FAAH2: variants seen among roughly 807,000 people sequenced by gnomAD.
FAAH2 encodes the protein fatty-acid amide hydrolase 2.
FAAH2 carries 60 observed loss-of-function variants against 36.9 expected under a neutral mutation model. The observed-to-expected ratio is 1.63, with a 90% CI of 1.32 to 2.02. The LOEUF is 2.02. Ranked by LOEUF, FAAH2 falls within the 30% of genes most tolerant of loss-of-function variation. The pLI is 0.00. For missense variants in FAAH2, 689 were observed against 397.5 expected, an observed-to-expected ratio of 1.73 and a Z score of -6.23; for synonymous variants, 214 against 143.8, an observed-to-expected ratio of 1.49 and a Z score of -3.49.
the FAAH2 span, among the ~76,000 whole-genome samples, chrX:57,231,279 G>A: frequency 1.8e-5 from 2 of 110,458 alleles, no homozygotes; most frequent in African/African-American, 6.6e-5. Context: ...GGTAGACTGA[G>A]GACTATGAAT....
At chrX:57,296,855 T>A (rs1490396120) in intron 2 of FAAH2, among the ~76,000 whole-genome samples, 1 of 111,344 alleles carries the variant, frequency 9.0e-6, no homozygotes, top group Non-Finnish European at 1.9e-5. Context: ...AGGGTACCAG[T>A]GACGGAAGAT....
In FAAH2 at chrX:57,346,649, G is replaced by A. The variant is rs895986032; in HGVS notation, c.742+5259G>A. Among the ~76,000 whole-genome samples the A allele has an allele frequency of 4.5e-5, 5 of 111,253 alleles. No homozygotes were observed. The Admixed American group carries it at 4.8e-4, about 11-fold the overall frequency. ...CATGTTGTTAGCTAGTTGTTTTGTA[G>A]ACTTCATTGTGTAATTGCTTTATAT... On this transcript the variant is annotated intron_variant, in intron 5 of 10. Transcript: ENST00000374900.
At chrX:57,271,808 A>C in the FAAH2 span, among the ~76,000 whole-genome samples, 1 of 111,632 alleles carries the variant, frequency 9.0e-6, no homozygotes, top group Non-Finnish European at 1.9e-5. Context: ...AAAAAGTGCT[A>C]AAAGGATATA....
At chrX:57,318,095 T>G in intron 3 of FAAH2, among the ~76,000 whole-genome samples, 1 of 110,741 alleles carries the variant, frequency 9.0e-6, no homozygotes, top group Non-Finnish European at 1.9e-5. Context: ...ACATCACAAT[T>G]AAAAGAACTA....
At chrX:57,318,706 G>C (rs1310005965) in intron 3 of FAAH2, among the ~76,000 whole-genome samples, 1 of 111,450 alleles carries the variant, frequency 9.0e-6, no homozygotes, top group Non-Finnish European at 1.9e-5. Context: ...AACCCTGGCA[G>C]AGACACAACA....
At chrX:57,259,160 T>C in the FAAH2 span, among the ~76,000 whole-genome samples, 2 of 111,843 alleles carry the variant, frequency 1.8e-5, no homozygotes, top group East Asian at 5.6e-4. Flanking sequence ...AAATGTAAAT[T>C]GGTATAGTCA....
chrX:57,393,282 C>T, intron 7 of FAAH2: 1 of 1,118,219 alleles, frequency 8.9e-7, no homozygotes, highest in Non-Finnish European at 1.2e-6. Context: ...TCTATGTAAG[C>T]CTTGGGAAGA....
At chrX:57,331,888 T>C in intron 4 of FAAH2, 81 bp downstream of exon 4, 1 of 957,821 alleles carries the variant, frequency 1.0e-6, no homozygotes. Context: ...CATGATACAG[T>C]ATAGCATCTA....
intron 5 of FAAH2, among the ~76,000 whole-genome samples, chrX:57,358,153 AT>A (rs1259819806): frequency 2.3e-5 from 2 of 87,871 alleles, no homozygotes; most frequent in African/African-American, 9.3e-5. Flanking sequence ...TTAGTTTGAG[AT>A]CTTTTTTTTT....
At chrX:57,163,582 C>T in the FAAH2 span, among the ~76,000 whole-genome samples, 1 of 112,018 alleles carries the variant, frequency 8.9e-6, no homozygotes, top group Admixed American at 9.4e-5. Context: ...TTTTTAAGCC[C>T]GTCAGAAAAG....
intron 5 of FAAH2, among the ~76,000 whole-genome samples, chrX:57,367,589 C>T (rs190031431): frequency 8.9e-6 from 1 of 112,249 alleles, no homozygotes; most frequent in African/African-American, 3.2e-5. Flanking sequence ...AAAAAGAATG[C>T]TAGAGCACAG....
the FAAH2 span, among the ~76,000 whole-genome samples, chrX:57,273,568 A>G: frequency 4.5e-5 from 5 of 112,049 alleles, no homozygotes; most frequent in Non-Finnish European, 9.4e-5. Flanking sequence ...TGTATCTCAG[A>G]CCAGAGTGCA....
the FAAH2 span, among the ~76,000 whole-genome samples, chrX:57,164,399 T>C: frequency 5.3e-5 from 6 of 112,369 alleles, no homozygotes; most frequent in African/African-American, 1.9e-4. Flanking sequence ...ACAAAATGCA[T>C]TCATAAAGCT....
At chrX:57,437,902 CAT>C (rs1162019064) in intron 8 of FAAH2, among the ~76,000 whole-genome samples, 2 of 101,969 alleles carry the variant, frequency 2.0e-5, no homozygotes, top group African/African-American at 3.5e-5. Flanking sequence ...TATGTATACA[CAT>C]ATATACATAC....
At chrX:57,159,550 C>G in the FAAH2 span, among the ~76,000 whole-genome samples, 1 of 110,163 alleles carries the variant, frequency 9.1e-6, no homozygotes, top group Non-Finnish European at 1.9e-5. Context: ...TGAAGAGGTC[C>G]TTCACATCCC....
intron 5 of FAAH2, among the ~76,000 whole-genome samples, chrX:57,343,572 A>G (rs1362830419): frequency 9.0e-6 from 1 of 111,133 alleles, no homozygotes; most frequent in African/African-American, 3.3e-5. Flanking sequence ...TGTAGACTGT[A>G]TGTTTACTCT....
At chrX:57,224,407 G>C in the FAAH2 span, among the ~76,000 whole-genome samples, 2 of 111,210 alleles carry the variant, frequency 1.8e-5, no homozygotes, top group Non-Finnish European at 3.8e-5. Flanking sequence ...TTGAGTAAGT[G>C]GTCCCTTTTC....
chrX:57,270,812 C>T, the FAAH2 span, among the ~76,000 whole-genome samples: 1 of 111,914 alleles, frequency 8.9e-6, no homozygotes, highest in East Asian at 2.8e-4. Flanking sequence ...GAGCTTGTCC[C>T]TCAGTCTTCA....
chrX:57,299,414 G>C (rs1203236905), intron 2 of FAAH2, among the ~76,000 whole-genome samples: 2 of 111,637 alleles, frequency 1.8e-5, no homozygotes, highest in African/African-American at 6.5e-5. Context: ...AACACTTCAT[G>C]CTAAAAACTC....
Sources: allele counts gnomAD v4.1 joint callset (sites outside exome capture counted in the v4.1 genomes callset), GRCh38; gene constraint gnomAD v4.1.1; transcripts MANE v1.5; gene names NCBI Gene and HGNC (gene_info 2026-07-23, HGNC 2026-07-21).